The following RAPGEF6 variants were observed in gnomAD, a reference collection of about 807,000 sequenced individuals.
RAPGEF6 encodes the protein Rap guanine nucleotide exchange factor 6.
Under a neutral mutation model 171.4 loss-of-function variants are expected in RAPGEF6, and 56 were observed. The ratio of observed to expected loss-of-function variants is 0.33; its 90% confidence interval spans 0.26 to 0.41. The LOEUF (loss-of-function observed/expected upper bound fraction) is 0.41. Ranked by LOEUF, RAPGEF6 falls within the 10% of genes least tolerant of loss-of-function variation. The pLI, the probability that RAPGEF6 is intolerant of heterozygous loss-of-function variation, is 1.00. For synonymous variants in RAPGEF6, 692 were observed against 650.1 expected (o/e 1.06, Z -0.98); for missense variants, 1,674 against 1,921.4 (o/e 0.87, Z 2.41).
At chr5:131,632,960 A>G (rs1766405858) in intron 1 of RAPGEF6, among the ~76,000 whole-genome samples, 1 of 152,238 alleles carries the variant, frequency 6.6e-6, no homozygotes, top group African/African-American at 2.4e-5. Flanking sequence ...GTTCCAATTA[A>G]GCACAATAAA....
chr5:131,487,498 A>G (rs1475122593), intron 15 of RAPGEF6, among the ~76,000 whole-genome samples: 1 of 152,090 alleles, frequency 6.6e-6, no homozygotes, highest in Non-Finnish European at 1.5e-5. Flanking sequence ...ACAATCCTTT[A>G]GCTAGACACA....
At chr5:131,473,452 C>G (rs1031046739) in intron 16 of RAPGEF6, among the ~76,000 whole-genome samples, 2 of 151,884 alleles carry the variant, frequency 1.3e-5, no homozygotes, top group African/African-American at 4.8e-5. Flanking sequence ...AACAAAGAAA[C>G]AAACACTGTC....
chr5:131,573,233 C>G (rs756228953), intron 4 of RAPGEF6, among the ~76,000 whole-genome samples: 1 of 152,154 alleles, frequency 6.6e-6, no homozygotes, highest in Non-Finnish European at 1.5e-5. Flanking sequence ...CCTCCTCACA[C>G]CTGGTCTGGC....
intron 6 of RAPGEF6, among the ~76,000 whole-genome samples, chr5:131,533,291 TCA>T (rs890421135): frequency 2.0e-5 from 3 of 151,960 alleles, no homozygotes; most frequent in African/African-American, 7.2e-5. Flanking sequence ...CCTTTCTACT[TCA>T]CAGTTTTAAA....
intron 7 of RAPGEF6, among the ~76,000 whole-genome samples, chr5:131,518,822 G>T (rs1580957514): frequency 1.3e-5 from 2 of 151,854 alleles, no homozygotes; most frequent in African/African-American, 4.8e-5. Context: ...TTTGGTTCTA[G>T]AGTTTTATCT....
intron 1 of RAPGEF6, among the ~76,000 whole-genome samples, chr5:131,628,090 G>A (rs1340916965): frequency 6.6e-6 from 1 of 152,058 alleles, no homozygotes; most frequent in Non-Finnish European, 1.5e-5. Flanking sequence ...ACCCTACAAT[G>A]GCCCCTAAGT....
intron 5 of RAPGEF6, among the ~76,000 whole-genome samples, chr5:131,559,786 G>A (rs1384842050): frequency 6.7e-6 from 1 of 148,312 alleles, no homozygotes; most frequent in Non-Finnish European, 1.5e-5. Context: ...GCTGCGCTGA[G>A]CTATCGCACC....
At chr5:131,467,018 G>C (rs1407961294) in intron 17 of RAPGEF6, among the ~76,000 whole-genome samples, 1 of 152,092 alleles carries the variant, frequency 6.6e-6, no homozygotes, top group Non-Finnish European at 1.5e-5. Context: ...CTAGATCTTT[G>C]GGGGCTGAGC....
intron 5 of RAPGEF6, among the ~76,000 whole-genome samples, chr5:131,559,484 T>A (rs563371898): frequency 6.6e-6 from 1 of 152,296 alleles, no homozygotes; most frequent in South Asian, 2.1e-4. Context: ...TAACCTTTTA[T>A]CACTATACAG....
At chr5:131,497,746 A>T (rs934744410) in intron 12 of RAPGEF6, among the ~76,000 whole-genome samples, 2 of 152,186 alleles carry the variant, frequency 1.3e-5, no homozygotes, top group Non-Finnish European at 2.9e-5. Flanking sequence ...CAACTAGTTT[A>T]TTTCCTTTAA....
chr5:131,597,216 A>C (rs1763953172), intron 3 of RAPGEF6, among the ~76,000 whole-genome samples: 1 of 152,144 alleles, frequency 6.6e-6, no homozygotes, highest in Non-Finnish European at 1.5e-5. Flanking sequence ...AAAGACGAAA[A>C]CAAGTGTTGG....
chr5:131,543,816 A>G (rs1408559845), intron 6 of RAPGEF6, among the ~76,000 whole-genome samples: 1 of 152,146 alleles, frequency 6.6e-6, no homozygotes, highest in African/African-American at 2.4e-5. Context: ...TAAATACCAA[A>G]GTCATCTGCC....
intron 6 of RAPGEF6, among the ~76,000 whole-genome samples, chr5:131,531,795 G>A (rs1455504223): frequency 2.6e-5 from 4 of 152,086 alleles, no homozygotes; most frequent in African/African-American, 9.7e-5. Context: ...AATGAAGCAA[G>A]TTAGAGTATG....
At chr5:131,495,507 G>C (rs374564864) in intron 13 of RAPGEF6, 46 bp downstream of exon 13, 15 of 1,475,384 alleles carry the variant, frequency 1.0e-5, no homozygotes, top group Admixed American at 3.5e-5. Flanking sequence ...TAGTGTTGAG[G>C]GGGGACCACT....
At chr5:131,438,202 C>G (rs1378434475) in intron 24 of RAPGEF6, among the ~76,000 whole-genome samples, 1 of 152,174 alleles carries the variant, frequency 6.6e-6, no homozygotes, top group Admixed American at 6.5e-5. Flanking sequence ...CTTGGCCAGG[C>G]TAGTGTTGAA....
At chr5:131,437,010 A>C (rs1164596320) in intron 24 of RAPGEF6, among the ~76,000 whole-genome samples, 3 of 152,206 alleles carry the variant, frequency 2.0e-5, no homozygotes, top group African/African-American at 7.2e-5. Flanking sequence ...ACAGATCTCC[A>C]AGTTTAATAA....
intron 6 of RAPGEF6, among the ~76,000 whole-genome samples, chr5:131,530,990 A>G (rs1033633045): frequency 6.6e-6 from 1 of 152,204 alleles, no homozygotes; most frequent in African/African-American, 2.4e-5. Context: ...CCTTAGCCAG[A>G]TAATAGCACA....
chr5:131,580,585 G>A (rs959729724), intron 4 of RAPGEF6, among the ~76,000 whole-genome samples: 2 of 152,188 alleles, frequency 1.3e-5, no homozygotes, highest in African/African-American at 2.4e-5. Context: ...CACCTCTCAC[G>A]GTGAATAGCA....
At chr5:131,534,501 G>A (rs370114974) in intron 6 of RAPGEF6, among the ~76,000 whole-genome samples, 86 of 151,486 alleles carry the variant, frequency 5.7e-4, no homozygotes, top group African/African-American at 1.9e-3. Context: ...CACAATACCC[G>A]CATTTAAATA....
Sources: gnomAD v4.1 joint callset for allele counts (sites outside exome capture counted in the v4.1 genomes callset) on GRCh38, gnomAD v4.1.1 for gene constraint, MANE v1.5 for transcripts, NCBI Gene and HGNC (gene_info 2026-07-23, HGNC 2026-07-21) for gene names.